The following SENP3 variants were observed in gnomAD, a reference collection of about 807,000 sequenced individuals.
The protein encoded by SENP3 is sentrin-specific protease 3.
SENP3 carries 11 observed loss-of-function variants against 66.2 expected under a neutral mutation model. The observed-to-expected ratio is 0.17, with a 90% confidence interval of 0.10 to 0.28. The LOEUF is 0.28. SENP3 is among the 10% of genes least tolerant of loss of function. The pLI, the probability that SENP3 is intolerant of heterozygous loss-of-function variation, is 1.00. For missense variants in SENP3, 548 were observed against 743.7 expected (o/e 0.74, Z 3.06); for synonymous variants, 292 against 277.6 (o/e 1.05, Z -0.52).
Position 7,562,888 on chromosome 17 carries a change from A to G in SENP3, c.-11-178A>G, listed in dbSNP as rs2071231634. ...GGACTGGGGAGAGATGATGGCACAG[A>G]CCCTGAAGGGCCCCTTGTGGACCGC... On this transcript the variant is annotated intron_variant, in intron 1 of 10. Transcript: ENST00000321337. This position sits in a 1 kb window ranked among gnomAD's most constrained non-coding sequence, Gnocchi z 5.0. Among the ~76,000 whole-genome samples, 1 of 152,112 alleles carries G rather than the reference A, an allele frequency of 6.6e-6. No individual in the cohort carries two copies. Among genetic ancestry groups the G allele is most frequent in the Non-Finnish European group, 1.5e-5 (1 of 68,018 alleles).
intron 7 of SENP3, among the ~76,000 whole-genome samples, chr17:7,569,534 T>G (rs1475609209): frequency 2.0e-5 from 3 of 152,068 alleles, no homozygotes; most frequent in Non-Finnish European, 4.4e-5. Flanking sequence ...AGAGTTCTTT[T>G]CTCTTCTGGT....
rs1468628155 is a variant in SENP3 at position 7,571,429 on chromosome 17, C to A, written c.1671C>A (p.Pro557=). The A allele has an allele frequency of 6.2e-7, 1 of 1,609,546 alleles. No homozygotes were observed. Among genetic ancestry groups the A allele is most frequent in the African/African-American group, 1.3e-5 (1 of 74,598 alleles). Residue 557 remains proline (P), a synonymous_variant, in exon 11 of 11, where the codon CCC becomes CCA. Coordinates refer to ENST00000321337, the MANE Select transcript of SENP3 (RefSeq NM_015670.6). Reference sequence around the variant, plus strand: ...TCAGCTTCACCCAGCAGGACATGCCCAAACTTCGTCGGCAGATCTACAAGG... The same window carrying A: ...TCAGCTTCACCCAGCAGGACATGCCAAAACTTCGTCGGCAGATCTACAAGG... ...QPFSFTQQDM[P]KLRRQIYKEL... is the part of the protein sequence containing the mutation.
In SENP3 at chr17:7,570,692, G is replaced by A. The variant is rs1567730581; in HGVS notation, c.1491G>A (p.Lys497=). 6.2e-7 allele frequency: 1 copy of A among 1,612,746 alleles called. No individual in the cohort carries two copies. The highest frequency in any genetic ancestry group is 8.5e-7 in the Non-Finnish European group (1 of 1,179,318). ...LNRRCPKHIA[K]YLQAEAVKKD... ...CCCCATCCACATAGCATATTGCCAAGTATCTACAGGCAGAGGCGGTAAAGA... is the reference window on the plus strand; with the variant it reads ...CCCCATCCACATAGCATATTGCCAAATATCTACAGGCAGAGGCGGTAAAGA... Residue 497 remains lysine, a synonymous_variant, in exon 9 of 11, where the codon AAG becomes AAA. Transcript: ENST00000321337. This position sits in a 1 kb window ranked among gnomAD's most constrained non-coding sequence, Gnocchi z 5.4.
At position 7,565,627 on chromosome 17, in the gene SENP3, G is replaced by A. The variant is rs777968016; in HGVS notation, c.1215+40G>A. ...AGAAACAGGCCTGAGAGGGGATTCAGGGAGCAGGGTGTCTGGGGCCCTCTG... is the reference window on the plus strand; with the variant it reads ...AGAAACAGGCCTGAGAGGGGATTCAAGGAGCAGGGTGTCTGGGGCCCTCTG... On this transcript the variant is annotated intron_variant, in intron 5 of 10. Transcript: ENST00000321337. The A allele has an allele frequency of 2.0e-5, 33 of 1,613,204 alleles. No individual in the cohort carries two copies. In the African/African-American group the frequency reaches 3.3e-4, roughly 16 times the overall value.
intron 6 of SENP3, 115 bp from the exon 7 acceptor site, chr17:7,566,812 A>AG: frequency 3.7e-6 from 3 of 811,652 alleles, no homozygotes; most frequent in Non-Finnish European, 6.1e-6. Flanking sequence ...TCTACCAAAA[A>AG]AAAAAGAAAA....
At chr17:7,568,218 TC>T (rs2071282799) in intron 7 of SENP3, among the ~76,000 whole-genome samples, 1 of 151,418 alleles carries the variant, frequency 6.6e-6, no homozygotes, top group East Asian at 1.9e-4. Flanking sequence ...CCCACCAACT[TC>T]CTGGGAGGGG....
Position 7,570,146 on chromosome 17 carries a change from C to G in SENP3, c.1342-210C>G, listed in dbSNP as rs774580848. On this transcript the variant is annotated intron_variant, in intron 7 of 10. Transcript: ENST00000321337. The surrounding 1 kb of genome is among the most constrained non-coding windows in gnomAD (Gnocchi z 5.4). The stretch of plus-strand genomic sequence containing the variant: ...TGCCCATCATGGGTTCTCCAGTGTT[C>G]GTTCTGATGTCTCCTCCATTGTCTG... 1.3e-5 allele frequency among the ~76,000 whole-genome samples: 2 copies of G among 152,138 alleles called. No homozygotes were observed. Among genetic ancestry groups the G allele is most frequent in the Non-Finnish European group, 2.9e-5 (2 of 68,016 alleles).
At chr17:7,568,066 C>A (rs1252746505) in intron 7 of SENP3, among the ~76,000 whole-genome samples, 3 of 150,900 alleles carry the variant, frequency 2.0e-5, no homozygotes, top group African/African-American at 7.3e-5. Context: ...CATATTTGGT[C>A]TCCTGACCAG....
In SENP3 at chr17:7,571,696, C is replaced by A; in HGVS notation, c.*213C>A. The A allele has an allele frequency of 2.2e-6, 1 of 463,464 alleles. No individual in the cohort carries two copies. The highest frequency in any genetic ancestry group is 3.9e-6 in the Non-Finnish European group (1 of 254,566). The allele number at this position is 463,464 out of a possible 1,614,324, so 28.7% of individuals were successfully genotyped here. A position where few individuals can be genotyped will look rare whatever the true frequency, so the allele number is the denominator to read the frequency against. On this transcript the variant is annotated 3_prime_UTR_variant, in exon 11 of 11. Coordinates refer to ENST00000321337, the MANE Select transcript of SENP3 (RefSeq NM_015670.6). ...GGGGTGGCTACAGAAAAGCCCCTTTCTTCCTCTGTTTGCAGGGGAGTGTGG... is the reference window on the plus strand; with the variant it reads ...GGGGTGGCTACAGAAAAGCCCCTTTATTCCTCTGTTTGCAGGGGAGTGTGG...
intron 7 of SENP3, among the ~76,000 whole-genome samples, chr17:7,567,494 G>A (rs1331552082): frequency 1.3e-5 from 2 of 151,646 alleles, no homozygotes; most frequent in Non-Finnish European, 2.9e-5. Context: ...ACTCCAGCCT[G>A]GGCAACAAGA....
chr17:7,567,334 T>C (rs369603019), intron 7 of SENP3, among the ~76,000 whole-genome samples: 2 of 152,196 alleles, frequency 1.3e-5, no homozygotes, highest in South Asian at 2.1e-4. Context: ...CTGGCCAACA[T>C]TGAGAAACCC....
chr17:7,564,311 G>A (rs2071250091), intron 2 of SENP3: 4 of 478,500 alleles, frequency 8.4e-6, no homozygotes, highest in Non-Finnish European at 1.5e-5. Flanking sequence ...TTTACAATAT[G>A]CTGGGTACTA....
intron 7 of SENP3, among the ~76,000 whole-genome samples, chr17:7,567,987 A>C (rs1412613523): frequency 6.6e-6 from 1 of 151,468 alleles, no homozygotes; most frequent in African/African-American, 2.4e-5. Context: ...GAGAGAGAGT[A>C]GTTTTATGTA....
Position 7,564,973 on chromosome 17 carries a change from T to A in SENP3, c.970T>A (p.Phe324Ile). The A allele has an allele frequency of 6.2e-7, 1 of 1,613,004 alleles. No homozygotes were observed. The highest frequency in any genetic ancestry group is 8.5e-7 in the Non-Finnish European group (1 of 1,179,042). ...CTTTCCACCAGGCATCTTGGACGAATTCCTTCAAACGTATGGCAGCCTCAT... is the reference window on the plus strand; with the variant it reads ...CTTTCCACCAGGCATCTTGGACGAAATCCTTCAAACGTATGGCAGCCTCAT... The part of the protein sequence containing the change: ...VTCVQSILDE[F>I]LQTYGSLIPL... Residue 324 changes from phenylalanine (F) to isoleucine (I), a missense_variant, in exon 4 of 11, where the codon TTC becomes ATC. Transcript: ENST00000321337.
In SENP3 at chr17:7,563,514, C is replaced by T; in HGVS notation, c.438C>T (p.Phe146=). 2 of 1,549,874 alleles carry T rather than the reference C, an allele frequency of 1.3e-6. No individual in the cohort carries two copies. Among genetic ancestry groups the T allele is most frequent in the Non-Finnish European group, 8.7e-7 (1 of 1,146,708 alleles). The change falls in exon 2 of 11, where the codon TTC becomes TTT. Residue 146 remains phenylalanine (F), a synonymous_variant. Transcript: ENST00000321337. ...LLYSKSTSLT[F]HWKLWGRHRG... ...ACTCAAAAAGCACCTCGCTGACATT[C>T]CACTGGAAGCTTTGGGGGCGCCACC...
chr17:7,563,606 CA>C lies in SENP3; in HGVS notation c.531del (p.Gln178ArgfsTer23), dbSNP rs2071241909. On this transcript the variant is annotated frameshift_variant, in exon 2 of 11. Transcript: ENST00000321337. LOFTEE classifies it high-confidence loss of function. ...TCACCCCAGCAAGGGGGTGCGACGC[CA>C]CAGGTGCCATCCCCCTGTTGTCGTT... ...HLSPQQGGAT[P>X]QVPSPCCRFD... is the part of the protein sequence containing the mutation. The C allele has an allele frequency of 6.3e-7, 1 of 1,587,838 alleles. No homozygotes were observed. The highest frequency in any genetic ancestry group is 1.1e-5 in the South Asian group (1 of 87,946).
rs988013608 is a variant in SENP3 at position 7,562,302 on chromosome 17, G to A, written c.-12+39G>A. On this transcript the variant is annotated intron_variant, in intron 1 of 10. Transcript: ENST00000321337. The surrounding 1 kb of genome is among the most constrained non-coding windows in gnomAD (Gnocchi z 5.0). ...CTCCCCTCCCCCCAGCCCTGCCTTGGCCTCTCCCATTCCTGGGCCTCGCTC... is the reference window on the plus strand; with the variant it reads ...CTCCCCTCCCCCCAGCCCTGCCTTGACCTCTCCCATTCCTGGGCCTCGCTC... 5.0e-6 allele frequency: 2 copies of A among 397,610 alleles called. No homozygotes were observed. Among genetic ancestry groups the A allele is most frequent in the Admixed American group, 4.4e-5 (1 of 22,686 alleles). 24.6% of individuals were successfully genotyped at this position (397,610 alleles called of 1,614,324 possible).
intron 2 of SENP3, among the ~76,000 whole-genome samples, chr17:7,564,110 C>T (rs569495247): frequency 6.6e-6 from 1 of 152,234 alleles, no homozygotes; most frequent in East Asian, 1.9e-4. Flanking sequence ...CCTTGTCGGC[C>T]TCTCAGTATA....
chr17:7,564,260 C>T, intron 2 of SENP3: 1 of 409,042 alleles, frequency 2.4e-6, no homozygotes, highest in Admixed American at 3.6e-5. Flanking sequence ...CAGTTTCAGG[C>T]TCTCTAGGTC....
Sources: gnomAD v4.1 joint callset for allele counts (sites outside exome capture counted in the v4.1 genomes callset) on GRCh38, gnomAD v4.1.1 for gene constraint, Gnocchi (gnomAD v3.1) non-coding constraint, MANE v1.5 for transcripts, NCBI Gene and HGNC (gene_info 2026-07-23, HGNC 2026-07-21) for gene names.